The following TAS1R1 variants were observed in gnomAD, a reference collection of about 807,000 sequenced individuals.
The protein encoded by TAS1R1 is taste 1 receptor member 1.
TAS1R1 carries 31 observed loss-of-function variants against 45.8 expected under a neutral mutation model. The ratio of observed to expected loss-of-function variants is 0.68; its 90% CI spans 0.51 to 0.91. The LOEUF (loss-of-function observed/expected upper bound fraction) is 0.91, where lower values mean the gene tolerates loss of function less well. Ranked by LOEUF, TAS1R1 falls within the 40% of genes least tolerant of loss-of-function variation. The pLI is 0.00. For missense variants in TAS1R1, 1,051 were observed against 1,063.9 expected, an observed-to-expected ratio of 0.99 and a Z score of 0.17; for synonymous variants, 437 against 448.4, an observed-to-expected ratio of 0.97 and a Z score of 0.32.
intron 1 of TAS1R1, among the ~76,000 whole-genome samples, chr1:6,567,921 C>A (rs181553744): frequency 3.3e-5 from 5 of 152,234 alleles, no homozygotes; most frequent in Non-Finnish European, 5.9e-5. Context: ...TTACTGCTAT[C>A]GGGTCTTTTG....
At position 6,579,411 on chromosome 1, in the gene TAS1R1, G is replaced by C; in HGVS notation, c.2353G>C (p.Gly785Arg). The C allele has an allele frequency of 6.2e-7, 1 of 1,613,930 alleles. No homozygotes were observed. Among genetic ancestry groups the C allele is most frequent in the East Asian group, 2.2e-5 (1 of 44,890 alleles). ...AFFTTASVYD[G>R]KYLPAANMMA... ...CTTCACCACGGCCAGCGTCTACGACGGCAAGTACCTGCCTGCGGCCAACAT... is the reference window on the plus strand; with the variant it reads ...CTTCACCACGGCCAGCGTCTACGACCGCAAGTACCTGCCTGCGGCCAACAT... The change falls in exon 6 of 6, where the codon GGC (glycine) becomes CGC (arginine). Residue 785 changes from glycine to arginine, a missense_variant. Gly to Arg is a moderately radical substitution (Grantham distance 125, BLOSUM62 -2). Coordinates refer to ENST00000333172, the MANE Select transcript of TAS1R1 (RefSeq NM_138697.4).
At chr1:6,567,903 C>T (rs1426695313) in intron 1 of TAS1R1, among the ~76,000 whole-genome samples, 2 of 152,040 alleles carry the variant, frequency 1.3e-5, no homozygotes, top group African/African-American at 2.4e-5. Flanking sequence ...AAGCAGGGCC[C>T]GGGAGGATTA....
intron 1 of TAS1R1, among the ~76,000 whole-genome samples, chr1:6,561,770 T>A (rs1214504634): frequency 6.6e-6 from 1 of 151,684 alleles, no homozygotes; most frequent in Non-Finnish European, 1.5e-5. Flanking sequence ...TTCAGCTGTC[T>A]TACAGGCTGT....
Position 6,579,026 on chromosome 1 carries a change from A to G in TAS1R1, c.1968A>G (p.Leu656=), listed in dbSNP as rs1276171412. ...GCCTGACAGTTCGCTCATTCCAACT[A>G]ATCATCATCTTCAAGTTTTCCACCA... ...LSCLTVRSFQ[L]IIIFKFSTKV... Residue 656 remains leucine (L), a synonymous_variant, in exon 6 of 6, where the codon CTA becomes CTG. Coordinates refer to ENST00000333172, the MANE Select transcript of TAS1R1 (RefSeq NM_138697.4). The G allele has an allele frequency of 6.2e-7, 1 of 1,613,042 alleles. No individual in the cohort carries two copies. The highest frequency in any genetic ancestry group is 8.5e-7 in the Non-Finnish European group (1 of 1,179,444).
In TAS1R1 at chr1:6,575,159, C is replaced by T. The variant is rs534607431; in HGVS notation, c.1027C>T (p.Arg343Trp). 48 of 1,593,770 alleles carry T rather than the reference C, an allele frequency of 3.0e-5. 1 individual carries two copies. In the South Asian group the frequency reaches 3.1e-4, roughly 10 times the overall value. ...GAAGGCGTTTGAAGAAGCCTATGCC[C>T]GGGCAGACAAGAAGGCCCCTAGGCC... ...GLKAFEEAYARADKKAPRPCH... is the reference protein window; with the variant it reads ...GLKAFEEAYAWADKKAPRPCH... The change falls in exon 3 of 6, where the codon CGG becomes TGG. Residue 343 changes from arginine to tryptophan, a missense_variant. Transcript: ENST00000333172.
At chr1:6,565,781 C>T (rs1639863334) in intron 1 of TAS1R1, among the ~76,000 whole-genome samples, 2 of 152,042 alleles carry the variant, frequency 1.3e-5, no homozygotes, top group Non-Finnish European at 2.9e-5. Context: ...ATTTAGAGGC[C>T]CATTTAGAGA....
At chr1:6,561,416 A>G (rs971358937) in intron 1 of TAS1R1, among the ~76,000 whole-genome samples, 11 of 152,158 alleles carry the variant, frequency 7.2e-5, no homozygotes, top group African/African-American at 2.7e-4. Context: ...GCTACTGCTA[A>G]AGAGTCTATC....
rs530088879 is a variant in TAS1R1 at position 6,566,786 on chromosome 1, G to A, written c.192-4123G>A. Among the ~76,000 whole-genome samples the A allele has an allele frequency of 7.1e-4, 108 of 152,270 alleles. 3 individuals are homozygous for A. Among genetic ancestry groups the A allele is most frequent in the South Asian group, 3.3e-3 (16 of 4,828 alleles). On this transcript the variant is annotated intron_variant, in intron 1 of 5. Transcript: ENST00000333172. ...AATTTTTTGTATGTTTAGTAGAGAC[G>A]GGGTTTCACCGTGTTAGCCAGGATG...
Position 6,577,006 on chromosome 1 carries a change from G to A in TAS1R1, c.1530G>A (p.Thr510=), listed in dbSNP as rs375222151. ...TTGAAGGGCACCAGCGAGTGGTTAC[G>A]GGTTTCCATCACTGCTGCTTTGAGT... ...DCLEGHQRVV[T]GFHHCCFECV... The change falls in exon 5 of 6, where the codon ACG becomes ACA. Residue 510 remains threonine (T), a synonymous_variant. Coordinates refer to ENST00000333172, the MANE Select transcript of TAS1R1 (RefSeq NM_138697.4). The A allele has an allele frequency of 9.3e-6, 15 of 1,614,108 alleles. No individual in the cohort carries two copies. Among genetic ancestry groups the A allele is most frequent in the Middle Eastern group, 1.6e-4 (1 of 6,084 alleles).
rs770363613 is a variant in TAS1R1, at chr1:6,555,866, C to CTTTT, written c.191+322_191+325dup. ...AAGCAAGGGCAGCTTTTTCCCTCTTCTTTTTTTTTTTTTTTTTTTTTTTGA... is the reference window on the plus strand; with the variant it reads ...AAGCAAGGGCAGCTTTTTCCCTCTTCTTTTTTTTTTTTTTTTTTTTTTTTTTTGA... On this transcript the variant is annotated intron_variant, in intron 1 of 5. Transcript: ENST00000333172. 7.2e-4 allele frequency among the ~76,000 whole-genome samples: 69 copies of CTTTT among 95,334 alleles called. 7 individuals are homozygous for CTTTT. Among genetic ancestry groups the CTTTT allele is most frequent in the East Asian group, 1.7e-3 (5 of 2,860 alleles). 62.5% of individuals were successfully genotyped at this position (95,334 alleles called of 152,430 possible).
At chr1:6,556,602 A>G (rs1036640631) in intron 1 of TAS1R1, among the ~76,000 whole-genome samples, 13 of 151,496 alleles carry the variant, frequency 8.6e-5, no homozygotes, top group Non-Finnish European at 4.4e-5. Flanking sequence ...GGGTTTCACC[A>G]TGTTGGTCAG....
In TAS1R1 at chr1:6,578,782, C is replaced by CGCT. The variant is rs745439007; in HGVS notation, c.1743_1745dup (p.Leu582dup). 1.3e-4 allele frequency: 203 copies of CGCT among 1,612,546 alleles called. No individual in the cohort carries two copies. The highest frequency in any genetic ancestry group is 3.7e-4 in the Admixed American group (22 of 59,988). On this transcript the variant is annotated inframe_insertion, in exon 6 of 6. Coordinates refer to ENST00000333172, the MANE Select transcript of TAS1R1 (RefSeq NM_138697.4). ...TCTTGGGTGCTGCTGGCAGCTAACA[C>CGCT]GCTGCTGCTGCTGCTGCTGCTTGGG...
chr1:6,573,599 G>T (rs952576471), intron 2 of TAS1R1, among the ~76,000 whole-genome samples: 6 of 152,142 alleles, frequency 3.9e-5, no homozygotes, highest in African/African-American at 1.4e-4. Flanking sequence ...CTAAGGACGG[G>T]TGTGTGAGGG....
At position 6,575,125 on chromosome 1, in the gene TAS1R1, C is replaced by G. The variant is rs1640128611; in HGVS notation, c.993C>G (p.Val331=). 6.3e-7 allele frequency: 1 copy of G among 1,584,718 alleles called. No homozygotes were observed. The highest frequency in any genetic ancestry group is 1.2e-5 in the South Asian group (1 of 85,858). Residue 331 remains valine, a synonymous_variant, in exon 3 of 6, where the codon GTC becomes GTG. Transcript: ENST00000333172. The part of the protein sequence containing the change: ...VLGVAIQKRA[V]PGLKAFEEAY... ...GCGTGGCCATCCAGAAGAGGGCTGTCCCTGGCCTGAAGGCGTTTGAAGAAG... is the reference window on the plus strand; with the variant it reads ...GCGTGGCCATCCAGAAGAGGGCTGTGCCTGGCCTGAAGGCGTTTGAAGAAG...
intron 1 of TAS1R1, among the ~76,000 whole-genome samples, chr1:6,557,026 A>G (rs1639699510): frequency 6.6e-6 from 1 of 151,446 alleles, no homozygotes; most frequent in African/African-American, 2.4e-5. Context: ...AAAAAAAAAA[A>G]AAAGACGAAG....
intron 1 of TAS1R1, among the ~76,000 whole-genome samples, chr1:6,556,992 G>C (rs1639698115): frequency 8.1e-6 from 1 of 123,854 alleles, no homozygotes; most frequent in Non-Finnish European, 1.6e-5. Flanking sequence ...CCGGGCGACA[G>C]AGCGAGGCTC....
chr1:6,565,478 A>T (rs1489222431), intron 1 of TAS1R1, among the ~76,000 whole-genome samples: 3 of 152,288 alleles, frequency 2.0e-5, no homozygotes, highest in East Asian at 3.9e-4. Flanking sequence ...CTACAGGAGC[A>T]AAAGAAGGAG....
At chr1:6,557,270 T>G (rs1639702927) in intron 1 of TAS1R1, among the ~76,000 whole-genome samples, 2 of 151,710 alleles carry the variant, frequency 1.3e-5, no homozygotes, top group Admixed American at 1.3e-4. Context: ...AGGGAAGACA[T>G]GAAAACCGGC....
At position 6,578,886 on chromosome 1, in the gene TAS1R1, G is replaced by A; in HGVS notation, c.1828G>A (p.Gly610Ser). 1.2e-6 allele frequency: 2 copies of A among 1,609,848 alleles called. No individual in the cohort carries two copies. Among genetic ancestry groups the A allele is most frequent in the East Asian group, 2.2e-5 (1 of 44,774 alleles). The change falls in exon 6 of 6, where the codon GGC (glycine) becomes AGC (serine). Residue 610 changes from glycine to serine, a missense_variant. Physicochemically the swap from Gly to Ser is moderately conservative, Grantham distance 56. Transcript: ENST00000333172. ...AGGRLCFLML[G>S]SLAAGSGSLY... ...GGGCCGCCTGTGCTTTCTTATGCTG[G>A]GCTCCCTGGCAGCAGGTAGTGGCAG...
Sources: gnomAD v4.1 joint callset for allele counts (sites outside exome capture counted in the v4.1 genomes callset) on GRCh38, gnomAD v4.1.1 for gene constraint, MANE v1.5 for transcripts, NCBI Gene and HGNC (gene_info 2026-07-23, HGNC 2026-07-21) for gene names.